The following HDAC4 variants were observed in gnomAD, a reference collection of about 807,000 sequenced individuals.
The protein encoded by HDAC4 is histone deacetylase A.
Under a neutral mutation model 135.1 loss-of-function variants are expected in HDAC4, and 16 were observed. The observed-to-expected ratio is 0.12, with a 90% CI of 0.08 to 0.18. The LOEUF (loss-of-function observed/expected upper bound fraction) is 0.18. HDAC4 is among the 10% of genes least tolerant of loss of function. The pLI, the probability that HDAC4 is intolerant of heterozygous loss-of-function variation, is 1.00. For missense variants in HDAC4, 1,143 were observed against 1,511.8 expected, an observed-to-expected ratio of 0.76 and a Z score of 4.05; for synonymous variants, 685 against 653.4, an observed-to-expected ratio of 1.05 and a Z score of -0.74.
chr2:239,107,335 C>T (rs1312679703), intron 15 of HDAC4, among the ~76,000 whole-genome samples: 1 of 152,246 alleles, frequency 6.6e-6, no homozygotes, highest in Non-Finnish European at 1.5e-5. Context: ...GGAGGCGGGG[C>T]CGGGCCCTCC....
At chr2:239,382,442 T>C (rs1416874281) in intron 1 of HDAC4, among the ~76,000 whole-genome samples, 1 of 152,242 alleles carries the variant, frequency 6.6e-6, no homozygotes, top group Non-Finnish European at 1.5e-5. Context: ...ATACTGGAAA[T>C]GCTTTAATAA....
At chr2:239,267,195 G>A (rs932260715) in intron 2 of HDAC4, among the ~76,000 whole-genome samples, 6 of 152,192 alleles carry the variant, frequency 3.9e-5, no homozygotes, top group African/African-American at 7.2e-5. Context: ...ACCTACCACC[G>A]TCCAGGATCT....
At chr2:239,104,056 C>T (rs572070173) in intron 15 of HDAC4, among the ~76,000 whole-genome samples, 13 of 148,590 alleles carry the variant, frequency 8.7e-5, no homozygotes, top group South Asian at 4.8e-4. Flanking sequence ...AGATGTGACA[C>T]GGCTTCCGGT....
chr2:239,074,457 C>T (rs1399887289), intron 22 of HDAC4, among the ~76,000 whole-genome samples: 2 of 152,254 alleles, frequency 1.3e-5, no homozygotes, highest in Non-Finnish European at 2.9e-5. Context: ...CCAAGAGAGT[C>T]TCTGCTGTCT....
chr2:239,205,857 C>T lies in HDAC4; in HGVS notation c.95-15780G>A, dbSNP rs1054791131. Among the ~76,000 whole-genome samples, 8 of 152,058 alleles carry T rather than the reference C, an allele frequency of 5.3e-5. No individual in the cohort carries two copies. The South Asian group carries it at 8.3e-4, about 16-fold the overall frequency. On this transcript the variant is annotated intron_variant, in intron 3 of 26. Coordinates refer to ENST00000543185, the MANE Select transcript of HDAC4 (RefSeq NM_001378414.1). The stretch of plus-strand genomic sequence containing the variant: ...TCAGTGTTAAAGTGTCTGTAACCCA[C>T]GTGTTGTAGAGGTCAGGGACATAAA...
intron 4 of HDAC4, among the ~76,000 whole-genome samples, chr2:239,178,827 G>A (rs145104303): frequency 1.8e-3 from 280 of 152,326 alleles, no homozygotes; most frequent in African/African-American, 6.4e-3. Context: ...CAGGGGCTCC[G>A]GGCTGGCTCC....
At chr2:239,335,574 CAACA>C (rs981223062) in intron 2 of HDAC4, among the ~76,000 whole-genome samples, 4 of 137,714 alleles carry the variant, frequency 2.9e-5, no homozygotes, top group Non-Finnish European at 6.3e-5. Flanking sequence ...TAGAAAATAG[CAACA>C]AACAACAAAA....
At chr2:239,359,977 G>A (rs1217213439) in intron 1 of HDAC4, among the ~76,000 whole-genome samples, 1 of 152,166 alleles carries the variant, frequency 6.6e-6, no homozygotes, top group Non-Finnish European at 1.5e-5. Flanking sequence ...TAGACCCAAG[G>A]TACACCTGTT....
chr2:239,171,070 A>G (rs542876607), intron 5 of HDAC4, among the ~76,000 whole-genome samples: 70 of 152,234 alleles, frequency 4.6e-4, no homozygotes, highest in African/African-American at 1.6e-3. Flanking sequence ...GTCCACTCGA[A>G]AAGAATGTGT....
At chr2:239,114,990 C>T (rs1420177834) in intron 13 of HDAC4, 63 bp downstream of exon 13, 1 of 1,591,848 alleles carries the variant, frequency 6.3e-7, no homozygotes, top group Admixed American at 1.7e-5. Context: ...CAGAAGATGC[C>T]ACCTGGGGAC....
Position 239,095,013 on chromosome 2 carries a change from A to G in HDAC4, c.2277T>C (p.Val759=), listed in dbSNP as rs775762405. 4 of 1,613,912 alleles carry G rather than the reference A, an allele frequency of 2.5e-6. No homozygotes were observed. The highest frequency in any genetic ancestry group is 3.4e-6 in the Non-Finnish European group (4 of 1,179,972). ...SVFVRLPCGG[V]GVDSDTIWNE... is the part of the protein sequence containing the mutation. ...TACACATTAAAGGAACACTTACCCC[A>G]ACACCACCGCAAGGGAGCCGGACGA... The change falls in exon 17 of 27, where the codon GTT becomes GTC. Residue 759 remains valine (V), a synonymous_variant. Coordinates refer to ENST00000543185, the MANE Select transcript of HDAC4 (RefSeq NM_001378414.1).
At chr2:239,202,418 G>A (rs1326738194) in intron 3 of HDAC4, among the ~76,000 whole-genome samples, 2 of 152,208 alleles carry the variant, frequency 1.3e-5, no homozygotes, top group African/African-American at 2.4e-5. Context: ...GGCAGTGGAC[G>A]GGGCGTAGAC....
intron 2 of HDAC4, among the ~76,000 whole-genome samples, chr2:239,267,486 C>T (rs1318442978): frequency 6.6e-6 from 1 of 152,254 alleles, no homozygotes; most frequent in Non-Finnish European, 1.5e-5. Context: ...CCCTTGAGGA[C>T]GTGCTGAAGG....
At chr2:239,112,176 T>C (rs1277876647) in intron 13 of HDAC4, among the ~76,000 whole-genome samples, 3 of 151,978 alleles carry the variant, frequency 2.0e-5, no homozygotes, top group Non-Finnish European at 4.4e-5. Flanking sequence ...CCCTCGCTGG[T>C]TTCACTGGGG....
At chr2:239,208,346 A>G (rs1359046222) in intron 3 of HDAC4, among the ~76,000 whole-genome samples, 1 of 150,926 alleles carries the variant, frequency 6.6e-6, no homozygotes, top group Non-Finnish European at 1.5e-5. Context: ...AAAAAAAAAA[A>G]AAAAAGAAAA....
At chr2:239,236,833 A>AAGAAAATTAAAGATCCTT (rs3842554) in intron 2 of HDAC4, among the ~76,000 whole-genome samples, 169 bp from the exon 3 acceptor site, 3 of 152,134 alleles carry the variant, frequency 2.0e-5, no homozygotes, top group African/African-American at 7.2e-5. Context: ...GTATTTGCCA[A>AAGAAAATTAAAGATCCTT]TGTAGAATAA....
chr2:239,131,334 C>A (rs866577815), intron 11 of HDAC4, among the ~76,000 whole-genome samples: 5 of 151,370 alleles, frequency 3.3e-5, no homozygotes, highest in Non-Finnish European at 7.4e-5. Flanking sequence ...ATCCTATACA[C>A]CTATGCACCA....
intron 2 of HDAC4, among the ~76,000 whole-genome samples, chr2:239,296,338 G>A (rs1436030348): frequency 6.6e-6 from 1 of 152,242 alleles, no homozygotes; most frequent in African/African-American, 2.4e-5. Context: ...GCCTGGACCA[G>A]GGTCTCTGCA....
At chr2:239,327,659 T>C (rs1156653090) in intron 2 of HDAC4, among the ~76,000 whole-genome samples, 2 of 152,192 alleles carry the variant, frequency 1.3e-5, no homozygotes, top group African/African-American at 2.4e-5. Flanking sequence ...GGGACTGCCC[T>C]TCTGCCTACA....
Sources: gnomAD v4.1 joint callset for allele counts (sites outside exome capture counted in the v4.1 genomes callset) on GRCh38, gnomAD v4.1.1 for gene constraint, MANE v1.5 for transcripts, NCBI Gene and HGNC (gene_info 2026-07-23, HGNC 2026-07-21) for gene names.